OSBPL10: variants seen among roughly 807,000 people sequenced by gnomAD.
OSBPL10 encodes the protein oxysterol-binding protein-related protein 10.
In OSBPL10, 49 loss-of-function variants were observed where a neutral mutation model predicts 81.7. That is an observed-to-expected ratio of 0.60 (90% CI 0.48 to 0.76). The LOEUF is 0.76. OSBPL10 is among the 30% of genes least tolerant of loss of function. The pLI, the probability that OSBPL10 is intolerant of heterozygous loss-of-function variation, is 0.00. For missense variants in OSBPL10, 923 were observed against 987.8 expected (o/e 0.93, Z 0.88); for synonymous variants, 419 against 383.6 (o/e 1.09, Z -1.08).
chr3:31,910,021 C>CA (rs1432186958), intron 1 of OSBPL10, among the ~76,000 whole-genome samples: 1 of 143,456 alleles, frequency 7.0e-6, no homozygotes, highest in Non-Finnish European at 1.5e-5. Context: ...CTTGCTCTGT[C>CA]ACCAGGCTGG....
At chr3:31,766,433 C>A (rs1698202760) in intron 4 of OSBPL10, among the ~76,000 whole-genome samples, 1 of 148,178 alleles carries the variant, frequency 6.7e-6, no homozygotes, top group African/African-American at 2.4e-5. Context: ...GACTCAACCT[C>A]CAGGACTCAG....
chr3:31,828,231 G>A (rs1700145955), intron 4 of OSBPL10, among the ~76,000 whole-genome samples: 1 of 152,250 alleles, frequency 6.6e-6, no homozygotes, highest in Non-Finnish European at 1.5e-5. Flanking sequence ...GCCAGTTAAT[G>A]TAATGGTATT....
chr3:31,909,950 A>G (rs959764439), intron 1 of OSBPL10, among the ~76,000 whole-genome samples: 1 of 151,622 alleles, frequency 6.6e-6, no homozygotes, highest in Non-Finnish European at 1.5e-5. Flanking sequence ...GGCGCTGTGT[A>G]AGACAATCAT....
At chr3:31,868,580 G>A (rs1236123388) in intron 3 of OSBPL10, among the ~76,000 whole-genome samples, 1 of 152,026 alleles carries the variant, frequency 6.6e-6, no homozygotes, top group East Asian at 1.9e-4. Context: ...AGACTCATAA[G>A]CTATTATTAC....
intron 1 of OSBPL10, among the ~76,000 whole-genome samples, chr3:31,915,788 G>A (rs1009712345): frequency 4.0e-5 from 6 of 151,868 alleles, no homozygotes; most frequent in Non-Finnish European, 5.9e-5. Context: ...AACCAACCAC[G>A]CAACACCCTT....
intron 1 of OSBPL10, among the ~76,000 whole-genome samples, chr3:31,901,705 G>T (rs189245264): frequency 1.3e-5 from 2 of 152,286 alleles, no homozygotes; most frequent in Admixed American, 1.3e-4. Flanking sequence ...ACCACATCAG[G>T]ATTCTTCACT....
intron 1 of OSBPL10, among the ~76,000 whole-genome samples, chr3:31,965,662 A>T (rs1338683709): frequency 9.3e-5 from 3 of 32,114 alleles, no homozygotes; most frequent in South Asian, 2.2e-3. Context: ...ATTATATATT[A>T]TATATTTTAT....
chr3:31,910,471 C>T (rs1047667700), intron 1 of OSBPL10, among the ~76,000 whole-genome samples: 2 of 151,784 alleles, frequency 1.3e-5, no homozygotes, highest in Admixed American at 6.6e-5. Context: ...CCTGTCTCTA[C>T]GAAAATACAA....
chr3:31,775,177 A>C (rs1575536367), intron 4 of OSBPL10, among the ~76,000 whole-genome samples: 1 of 152,058 alleles, frequency 6.6e-6, no homozygotes. Flanking sequence ...CTCTCTCCAA[A>C]AAAAGAATGG....
intron 1 of OSBPL10, among the ~76,000 whole-genome samples, chr3:31,962,006 G>A (rs780859613): frequency 4.0e-5 from 6 of 151,650 alleles, no homozygotes; most frequent in African/African-American, 9.7e-5. Flanking sequence ...CCAGGCTGGA[G>A]TGCAGTGGTG....
chr3:31,824,994 A>G (rs1700067646), intron 4 of OSBPL10, among the ~76,000 whole-genome samples: 1 of 152,104 alleles, frequency 6.6e-6, no homozygotes, highest in African/African-American at 2.4e-5. Flanking sequence ...CCAACAGAGG[A>G]GGTCCTAAGT....
chr3:31,872,622 C>CTTTTTTTTTTTT (rs71097452), intron 3 of OSBPL10, among the ~76,000 whole-genome samples: 2 of 127,876 alleles, frequency 1.6e-5, no homozygotes, highest in African/African-American at 6.0e-5. Context: ...AATTCAAAAG[C>CTTTTTTTTTTTT]TTTTTTTTTT....
At chr3:31,930,152 C>A (rs1697199958) in intron 1 of OSBPL10, among the ~76,000 whole-genome samples, 1 of 139,024 alleles carries the variant, frequency 7.2e-6, no homozygotes, top group African/African-American at 2.8e-5. Flanking sequence ...GACCTCAGAT[C>A]TCAAAAAAAA....
intron 2 of OSBPL10, among the ~76,000 whole-genome samples, chr3:32,038,651 C>A (rs1185483366): frequency 6.6e-6 from 1 of 152,154 alleles, no homozygotes; most frequent in African/African-American, 2.4e-5. Context: ...ATACCGAAAT[C>A]AAACCAGTGC....
At chr3:31,763,170 TTTCA>T (rs1698104536) in intron 4 of OSBPL10, among the ~76,000 whole-genome samples, 1 of 152,210 alleles carries the variant, frequency 6.6e-6, no homozygotes, top group African/African-American at 2.4e-5. Flanking sequence ...GGTTTGAAAG[TTTCA>T]TTCAAGTGTT....
At chr3:31,799,986 G>A (rs563760210) in intron 4 of OSBPL10, among the ~76,000 whole-genome samples, 1 of 152,170 alleles carries the variant, frequency 6.6e-6, no homozygotes, top group African/African-American at 2.4e-5. Context: ...GGGATTACAG[G>A]CATGAGCCAC....
intron 2 of OSBPL10, among the ~76,000 whole-genome samples, chr3:32,000,486 T>A (rs1699134470): frequency 1.3e-5 from 2 of 152,156 alleles, no homozygotes; most frequent in Admixed American, 1.3e-4. Context: ...CGAAATGAAA[T>A]TGTAAGGAGG....
intron 2 of OSBPL10, chr3:31,990,818 C>A: frequency 6.2e-7 from 1 of 1,600,406 alleles, no homozygotes; most frequent in Non-Finnish European, 8.5e-7. Context: ...CAAGCTTCAT[C>A]TTATGCAAAA....
intron 1 of OSBPL10, among the ~76,000 whole-genome samples, chr3:32,072,911 T>C (rs1699842351): frequency 1.3e-5 from 2 of 152,184 alleles, no homozygotes; most frequent in African/African-American, 4.8e-5. Flanking sequence ...TACAGTCTGA[T>C]AGTGGATCGG....
Sources: gnomAD v4.1 joint callset for allele counts (sites outside exome capture counted in the v4.1 genomes callset) on GRCh38, gnomAD v4.1.1 for gene constraint, MANE v1.5 for transcripts, NCBI Gene and HGNC (gene_info 2026-07-23, HGNC 2026-07-21) for gene names.